The following AFG1L variants were observed in gnomAD, a reference collection of about 807,000 sequenced individuals.
AFG1L encodes AFG1 like ATPase, also known as AFG1-like ATPase.
A neutral mutation model predicts 62.2 loss-of-function variants in AFG1L; 53 were observed. The ratio of observed to expected loss-of-function variants is 0.85; its 90% CI spans 0.68 to 1.07. The LOEUF (loss-of-function observed/expected upper bound fraction) is 1.07, where lower values mean the gene tolerates loss of function less well. AFG1L is among the 50% of genes least tolerant of loss of function. The pLI is 0.00. For missense variants in AFG1L, 555 were observed against 590.5 expected, an observed-to-expected ratio of 0.94 and a Z score of 0.62; for synonymous variants, 228 against 210.3, an observed-to-expected ratio of 1.08 and a Z score of -0.73.
At chr6:108,443,149 GTA>G (rs1402491413) in intron 7 of AFG1L, among the ~76,000 whole-genome samples, 1 of 152,168 alleles carries the variant, frequency 6.6e-6, no homozygotes, top group African/African-American at 2.4e-5. Context: ...CAAGGATTTG[GTA>G]AAGGCTCAGC....
At chr6:108,399,971 A>AT (rs1355846729) in intron 6 of AFG1L, among the ~76,000 whole-genome samples, 4 of 150,522 alleles carry the variant, frequency 2.7e-5, no homozygotes, top group African/African-American at 9.8e-5. Context: ...TGGAGATGGG[A>AT]TTTTGCCATG....
intron 10 of AFG1L, among the ~76,000 whole-genome samples, chr6:108,498,858 C>T (rs1774072475): frequency 6.6e-6 from 1 of 151,890 alleles, no homozygotes; most frequent in Admixed American, 6.6e-5. Flanking sequence ...CCTGTAATCC[C>T]AGCTACTTGG....
At chr6:108,518,517 G>A (rs1774992318) in intron 11 of AFG1L, among the ~76,000 whole-genome samples, 1 of 126,706 alleles carries the variant, frequency 7.9e-6, no homozygotes, top group African/African-American at 2.9e-5. Flanking sequence ...GGGGGAGGGG[G>A]GAGGGATAGC....
chr6:108,369,663 G>A (rs977651766), intron 6 of AFG1L, among the ~76,000 whole-genome samples: 6 of 151,846 alleles, frequency 4.0e-5, no homozygotes, highest in Admixed American at 3.9e-4. Context: ...AGACTGGGGT[G>A]CAGTGCGCGA....
chr6:108,399,372 G>A (rs957129856), intron 6 of AFG1L, among the ~76,000 whole-genome samples: 8 of 151,614 alleles, frequency 5.3e-5, no homozygotes, highest in African/African-American at 1.5e-4. Context: ...AGTTTTTGGA[G>A]AGACAGGGTT....
intron 7 of AFG1L, among the ~76,000 whole-genome samples, chr6:108,413,407 C>T (rs1782206968): frequency 1.3e-5 from 2 of 152,256 alleles, no homozygotes; most frequent in Admixed American, 6.5e-5. Context: ...CAGCTCTGCA[C>T]CAAGCAGACC....
intron 8 of AFG1L, among the ~76,000 whole-genome samples, chr6:108,449,673 C>T (rs1454888663): frequency 6.6e-6 from 1 of 152,058 alleles, no homozygotes; most frequent in Non-Finnish European, 1.5e-5. Context: ...CATATATATA[C>T]ATGTGCCATG....
At chr6:108,477,767 A>T (rs1421000881) in intron 10 of AFG1L, among the ~76,000 whole-genome samples, 2 of 152,182 alleles carry the variant, frequency 1.3e-5, no homozygotes, top group Admixed American at 6.5e-5. Flanking sequence ...AATTTCTATA[A>T]CTGTGGCATC....
At chr6:108,452,176 A>G (rs1433652681) in intron 8 of AFG1L, among the ~76,000 whole-genome samples, 2 of 152,196 alleles carry the variant, frequency 1.3e-5, no homozygotes, top group African/African-American at 4.8e-5. Context: ...GGGTGACCCC[A>G]TCTCATGCTT....
chr6:108,345,863 T>C (rs1778843207), intron 2 of AFG1L, among the ~76,000 whole-genome samples: 1 of 152,178 alleles, frequency 6.6e-6, no homozygotes, highest in Admixed American at 6.5e-5. Flanking sequence ...TCTAGGTCTT[T>C]CTTTGGGAGA....
intron 7 of AFG1L, among the ~76,000 whole-genome samples, chr6:108,432,979 G>A (rs1323971096): frequency 1.3e-5 from 2 of 152,144 alleles, no homozygotes; most frequent in Non-Finnish European, 2.9e-5. Flanking sequence ...ACAGGAACTG[G>A]TTGTCGTGGT....
intron 1 of AFG1L, among the ~76,000 whole-genome samples, chr6:108,300,669 AACTT>A (rs1414827379): frequency 2.0e-5 from 3 of 150,570 alleles, no homozygotes; most frequent in Non-Finnish European, 4.4e-5. Flanking sequence ...ATAGCGTTTG[AACTT>A]ACTTTTTTTT....
At chr6:108,340,565 A>G (rs1041417608) in intron 2 of AFG1L, among the ~76,000 whole-genome samples, 5 of 152,026 alleles carry the variant, frequency 3.3e-5, no homozygotes, top group East Asian at 3.9e-4. Flanking sequence ...GGGTCTCACC[A>G]TGTTGGTCAG....
At chr6:108,385,979 G>A (rs1780746528) in intron 6 of AFG1L, among the ~76,000 whole-genome samples, 1 of 152,126 alleles carries the variant, frequency 6.6e-6, no homozygotes, top group Non-Finnish European at 1.5e-5. Flanking sequence ...CTGGTGTGGT[G>A]GCACATGCCT....
chr6:108,455,113 C>T (rs1772201679), intron 8 of AFG1L, among the ~76,000 whole-genome samples: 1 of 152,138 alleles, frequency 6.6e-6, no homozygotes, highest in Admixed American at 6.5e-5. Flanking sequence ...TTCTTCTTAG[C>T]ATCATGGCAC....
chr6:108,403,644 G>T (rs780228649), intron 7 of AFG1L, among the ~76,000 whole-genome samples: 7 of 152,032 alleles, frequency 4.6e-5, no homozygotes, highest in Non-Finnish European at 1.0e-4. Flanking sequence ...GGTATACACA[G>T]ATACCAAAAT....
chr6:108,492,939 T>C (rs1562193888), intron 10 of AFG1L, among the ~76,000 whole-genome samples: 1 of 150,792 alleles, frequency 6.6e-6, no homozygotes, highest in South Asian at 2.1e-4. Flanking sequence ...CAAATAATTA[T>C]ACACACACAC....
chr6:108,334,483 G>A (rs1363630942), intron 2 of AFG1L, among the ~76,000 whole-genome samples: 1 of 151,498 alleles, frequency 6.6e-6, no homozygotes, highest in Non-Finnish European at 1.5e-5. Context: ...CTTGAGCCCA[G>A]GAGTTTGAGA....
At chr6:108,518,468 T>G (rs1479513835) in intron 11 of AFG1L, among the ~76,000 whole-genome samples, 7 of 123,678 alleles carry the variant, frequency 5.7e-5, no homozygotes, top group African/African-American at 1.9e-4. Flanking sequence ...CATGGACACA[T>G]GAAGGGGAAC....
Sources: gnomAD v4.1 joint callset for allele counts (sites outside exome capture counted in the v4.1 genomes callset) on GRCh38, gnomAD v4.1.1 for gene constraint, MANE v1.5 for transcripts, NCBI Gene and HGNC (gene_info 2026-07-23, HGNC 2026-07-21) for gene names.